Variants in MFHAS1 observed in about 807,000 individuals in gnomAD.
MFHAS1 encodes malignant fibrous histiocytoma-amplified sequence 1.
MFHAS1 carries 50 observed loss-of-function variants against 70.4 expected under a neutral mutation model. The observed-to-expected ratio is 0.71, with a 90% CI of 0.57 to 0.90. MFHAS1 has a LOEUF of 0.90. Ranked by LOEUF, MFHAS1 falls within the 40% of genes least tolerant of loss-of-function variation. MFHAS1 has a pLI of 0.00. For synonymous variants in MFHAS1, 952 were observed against 620.0 expected (o/e 1.54, Z -7.96); for missense variants, 1,795 against 1,347.6 (o/e 1.33, Z -5.20).
intron 1 of MFHAS1, among the ~76,000 whole-genome samples, chr8:8,823,004 C>G (rs1807024015): frequency 2.0e-5 from 3 of 152,098 alleles, no homozygotes; most frequent in Non-Finnish European, 4.4e-5. Context: ...GCACAGAGGA[C>G]ACAGACAGAA....
At chr8:8,876,604 G>A (rs1193814867) in intron 1 of MFHAS1, among the ~76,000 whole-genome samples, 1 of 151,896 alleles carries the variant, frequency 6.6e-6, no homozygotes. Flanking sequence ...GCATAGTGGT[G>A]TATGCATCGT....
rs949841220 is a variant in MFHAS1, at chr8:8,798,148, G to C, written c.2999-657C>G. Among the ~76,000 whole-genome samples the C allele has an allele frequency of 2.0e-4, 31 of 152,258 alleles. 1 individual carries two copies. Among genetic ancestry groups the C allele is most frequent in the African/African-American group, 6.7e-4 (28 of 41,540 alleles). ...GGAACGCTATTACTCTGCATGCCCT[G>C]GATGTAATCTCTCTTCAACTAGATC... On this transcript the variant is annotated intron_variant, in intron 1 of 2. Transcript: ENST00000276282.
At position 8,891,139 on chromosome 8, in the gene MFHAS1, G is replaced by A. The variant is rs143510651; in HGVS notation, c.1920C>T (p.Asp640=). Residue 640 remains aspartate (D), a synonymous_variant, in exon 1 of 3, where the codon GAC becomes GAT. Coordinates refer to ENST00000276282, the MANE Select transcript of MFHAS1 (RefSeq NM_004225.3). This position sits in a 1 kb window ranked among gnomAD's most constrained non-coding sequence, Gnocchi z 5.4. ...RDPRHLRRLR[D]KLLSVAEHRE... ...GGTGCTCAGCAACTGACAGCAACTT[G>A]TCCCGAAGGCGTCGTAAGTGGCGCG... 19 of 1,613,666 alleles carry A rather than the reference G, an allele frequency of 1.2e-5. No homozygotes were observed. Among genetic ancestry groups the A allele is most frequent in the Non-Finnish European group, 1.5e-5 (18 of 1,180,046 alleles).
At position 8,876,020 on chromosome 8, in the gene MFHAS1, G is replaced by C. The variant is rs142835577; in HGVS notation, c.2998+14041C>G. Among the ~76,000 whole-genome samples the C allele has an allele frequency of 1.1e-4, 17 of 152,290 alleles. No individual in the cohort carries two copies. In the East Asian group the frequency reaches 3.1e-3, roughly 28 times the overall value. On this transcript the variant is annotated intron_variant, in intron 1 of 2. Transcript: ENST00000276282. ...CCACAAACTTATCACTCTTCTAAAAGTATGTTTAGACTCTTGTACCTTCTG... is the reference window on the plus strand; with the variant it reads ...CCACAAACTTATCACTCTTCTAAAACTATGTTTAGACTCTTGTACCTTCTG...
chr8:8,858,139 G>A (rs1016158401), intron 1 of MFHAS1, among the ~76,000 whole-genome samples: 30 of 152,270 alleles, frequency 2.0e-4, no homozygotes, highest in African/African-American at 6.5e-4. Context: ...AAATTGGGAC[G>A]GAGCACAGGG....
intron 1 of MFHAS1, among the ~76,000 whole-genome samples, chr8:8,807,126 G>A (rs1806319146): frequency 6.6e-6 from 1 of 152,098 alleles, no homozygotes; most frequent in Non-Finnish European, 1.5e-5. Flanking sequence ...GCCTCAGAAT[G>A]AAGGTCCCTC....
At chr8:8,804,095 G>C (rs1167135007) in intron 1 of MFHAS1, among the ~76,000 whole-genome samples, 1 of 152,158 alleles carries the variant, frequency 6.6e-6, no homozygotes, top group Non-Finnish European at 1.5e-5. Context: ...GGGGGTCCTG[G>C]AACCAGTGCC....
intron 2 of MFHAS1, among the ~76,000 whole-genome samples, chr8:8,789,553 T>C (rs776818557): frequency 6.6e-6 from 1 of 152,126 alleles, no homozygotes; most frequent in East Asian, 1.9e-4. Context: ...AAAGAAATTA[T>C]GACGCAAGGT....
At chr8:8,791,251 G>T (rs1585016340) in intron 2 of MFHAS1, among the ~76,000 whole-genome samples, 1 of 151,582 alleles carries the variant, frequency 6.6e-6, no homozygotes, top group Admixed American at 6.6e-5. Flanking sequence ...ATACGGTATC[G>T]CTGCAGGAGA....
At chr8:8,814,849 C>CTTTTTTTTTTTTTTTTTTTTT (rs34438669) in intron 1 of MFHAS1, among the ~76,000 whole-genome samples, 1 of 130,430 alleles carries the variant, frequency 7.7e-6, no homozygotes. Flanking sequence ...GCTAGAATTT[C>CTTTTTTTTTTTTTTTTTTTTT]TTTTTTTTTT....
At chr8:8,872,980 G>C (rs938308584) in intron 1 of MFHAS1, among the ~76,000 whole-genome samples, 3 of 152,152 alleles carry the variant, frequency 2.0e-5, no homozygotes, top group Non-Finnish European at 4.4e-5. Context: ...TGCCACTCGT[G>C]AGCCATCTGG....
intron 2 of MFHAS1, among the ~76,000 whole-genome samples, chr8:8,788,328 C>T (rs1474862657): frequency 6.6e-6 from 1 of 152,116 alleles, no homozygotes; most frequent in Non-Finnish European, 1.5e-5. Flanking sequence ...ATGAAAAAGC[C>T]ACAGGTAAAA....
chr8:8,828,193 C>T lies in MFHAS1; in HGVS notation c.2999-30702G>A, dbSNP rs533348675. ...AAGGGAACTCGTCAATCATTTGTGT[C>T]GCTTACAACCAAGAGAATAAATTAA... On this transcript the variant is annotated intron_variant, in intron 1 of 2. Transcript: ENST00000276282. Among the ~76,000 whole-genome samples the T allele has an allele frequency of 8.5e-5, 13 of 152,240 alleles. No individual in the cohort carries two copies. The South Asian group carries it at 2.7e-3, about 32-fold the overall frequency.
At position 8,884,880 on chromosome 8, in the gene MFHAS1, G is replaced by C. The variant is rs140341310; in HGVS notation, c.2998+5181C>G. Among the ~76,000 whole-genome samples, 1,147 of 152,204 alleles carry C rather than the reference G, an allele frequency of 7.5e-3. 16 individuals are homozygous for C. The highest frequency in any genetic ancestry group is 0.026 in the African/African-American group (1,100 of 41,520). On this transcript the variant is annotated intron_variant, in intron 1 of 2. Transcript: ENST00000276282. ...TAGGAGGATCATCACCTGAGCCCAAGAGGTCGAGGCTGCAGTAAGCCATTA... is the reference window on the plus strand; with the variant it reads ...TAGGAGGATCATCACCTGAGCCCAACAGGTCGAGGCTGCAGTAAGCCATTA...
In MFHAS1 at chr8:8,786,064, G is replaced by A; in HGVS notation, c.3126-9C>T. ...TTTCACCAACATTCTTCCTGTATGG[G>A]TGGACAACAAGAAAGCACAGAGATG... On this transcript the variant is annotated splice_polypyrimidine_tract_variant and intron_variant, in intron 2 of 2. Coordinates refer to ENST00000276282, the MANE Select transcript of MFHAS1 (RefSeq NM_004225.3). 1.9e-6 allele frequency: 3 copies of A among 1,613,694 alleles called. No individual in the cohort carries two copies. The highest frequency in any genetic ancestry group is 2.5e-6 in the Non-Finnish European group (3 of 1,179,660).
chr8:8,803,849 G>A (rs555424222), intron 1 of MFHAS1, among the ~76,000 whole-genome samples: 1 of 152,038 alleles, frequency 6.6e-6, no homozygotes, highest in Non-Finnish European at 1.5e-5. Flanking sequence ...GCACATGCCT[G>A]TAATCTCAGC....
chr8:8,866,230 CCT>C (rs1336241826), intron 1 of MFHAS1, among the ~76,000 whole-genome samples: 1 of 152,104 alleles, frequency 6.6e-6, no homozygotes, highest in Non-Finnish European at 1.5e-5. Context: ...CTAACTGATC[CCT>C]GTTTTATCAG....
chr8:8,817,354 A>G (rs760195042), intron 1 of MFHAS1, among the ~76,000 whole-genome samples: 2 of 152,238 alleles, frequency 1.3e-5, no homozygotes, highest in Admixed American at 6.5e-5. Flanking sequence ...TTTGTATCAG[A>G]GGTAATTCGC....
At chr8:8,791,354 T>C (rs1422792364) in intron 2 of MFHAS1, among the ~76,000 whole-genome samples, 1 of 152,170 alleles carries the variant, frequency 6.6e-6, no homozygotes, top group Non-Finnish European at 1.5e-5. Flanking sequence ...AGAATGTGGG[T>C]CGCATTCCAG....
Sources: gnomAD v4.1 joint callset for allele counts (sites outside exome capture counted in the v4.1 genomes callset) on GRCh38, gnomAD v4.1.1 for gene constraint, Gnocchi (gnomAD v3.1) non-coding constraint, MANE v1.5 for transcripts, NCBI Gene and HGNC (gene_info 2026-07-23, HGNC 2026-07-21) for gene names.